CLVS1: variants seen among roughly 807,000 people sequenced by gnomAD.
The protein encoded by CLVS1 is clavesin 1.
CLVS1 carries 10 observed loss-of-function variants against 33.1 expected under a neutral mutation model. That is an observed-to-expected ratio of 0.30 (90% CI 0.19 to 0.51). CLVS1 has a LOEUF of 0.51. Ranked by LOEUF, CLVS1 falls within the 20% of genes least tolerant of loss-of-function variation. The probability of loss-of-function intolerance (pLI) is 0.97; values close to 1 mark genes in which losing one functional copy is unlikely to be tolerated. For missense variants in CLVS1, 343 were observed against 433.4 expected, an observed-to-expected ratio of 0.79 and a Z score of 1.85; for synonymous variants, 163 against 166.1, an observed-to-expected ratio of 0.98 and a Z score of 0.14.
chr8:60,984,756 G>A, the CLVS1 span, among the ~76,000 whole-genome samples: 11 of 152,154 alleles, frequency 7.2e-5, no homozygotes, highest in South Asian at 4.1e-4. Flanking sequence ...TTTTCCTAGG[G>A]ACTCTATGAG....
chr8:60,979,891 C>T, the CLVS1 span, among the ~76,000 whole-genome samples: 19 of 152,192 alleles, frequency 1.2e-4, no homozygotes, highest in Admixed American at 3.3e-4. Flanking sequence ...GTCCAGTGCA[C>T]TTTACTATAG....
intron 2 of CLVS1, among the ~76,000 whole-genome samples, chr8:61,372,410 A>G (rs1008099626): frequency 6.6e-6 from 1 of 152,154 alleles, no homozygotes; most frequent in Non-Finnish European, 1.5e-5. Context: ...TTTTAAAAAT[A>G]AACTTTTTAT....
chr8:61,186,027 C>CTGT (rs1807338108), intron 2 of CLVS1, among the ~76,000 whole-genome samples: 1 of 152,154 alleles, frequency 6.6e-6, no homozygotes, highest in Non-Finnish European at 1.5e-5. Context: ...GTAAGCAAGG[C>CTGT]TGTTCTTCAG....
intron 5 of CLVS1, among the ~76,000 whole-genome samples, chr8:61,495,643 G>T (rs1304126554): frequency 1.3e-5 from 2 of 152,148 alleles, no homozygotes; most frequent in African/African-American, 4.8e-5. Flanking sequence ...CTTTGAGATG[G>T]GAGAGAAATT....
chr8:61,457,098 C>T (rs1203935583), intron 4 of CLVS1, among the ~76,000 whole-genome samples: 2 of 151,650 alleles, frequency 1.3e-5, no homozygotes, highest in African/African-American at 4.8e-5. Context: ...CCACCATGCC[C>T]AGCTAATTTT....
chr8:61,268,050 T>C (rs1809349071), intron 2 of CLVS1, among the ~76,000 whole-genome samples: 1 of 151,970 alleles, frequency 6.6e-6, no homozygotes, highest in Admixed American at 6.5e-5. Flanking sequence ...AATTTTAGGG[T>C]ACATGTGCAC....
chr8:61,359,107 G>T (rs1187182592), intron 2 of CLVS1, among the ~76,000 whole-genome samples: 4 of 152,104 alleles, frequency 2.6e-5, no homozygotes, highest in African/African-American at 9.7e-5. Context: ...AAATGTTTTT[G>T]TTTGCTGATT....
At chr8:61,364,489 T>C (rs1424485492) in intron 2 of CLVS1, among the ~76,000 whole-genome samples, 4 of 152,254 alleles carry the variant, frequency 2.6e-5, no homozygotes, top group Non-Finnish European at 4.4e-5. Context: ...GATAAGACTT[T>C]TCTTTCAGTT....
chr8:61,150,916 C>T (rs1806519898), intron 2 of CLVS1, among the ~76,000 whole-genome samples: 1 of 152,190 alleles, frequency 6.6e-6, no homozygotes, highest in African/African-American at 2.4e-5. Context: ...AAGCTACCTG[C>T]AGCAGGTGAG....
At chr8:61,296,521 T>G (rs1810217488) in intron 1 of CLVS1, among the ~76,000 whole-genome samples, 1 of 152,206 alleles carries the variant, frequency 6.6e-6, no homozygotes, top group East Asian at 1.9e-4. Context: ...CTCCATGGCT[T>G]GGAACTGTGA....
chr8:61,124,819 C>T (rs539990614), intron 1 of CLVS1, among the ~76,000 whole-genome samples: 21 of 152,234 alleles, frequency 1.4e-4, no homozygotes, highest in African/African-American at 5.1e-4. Flanking sequence ...TGGAGAGACA[C>T]CCACGTAAAT....
At chr8:61,130,528 A>C (rs536460829) in intron 1 of CLVS1, among the ~76,000 whole-genome samples, 11 of 152,218 alleles carry the variant, frequency 7.2e-5, no homozygotes, top group Admixed American at 2.0e-4. Context: ...AGAAGCCAAC[A>C]GAATGAATTA....
rs1392553282 is a variant in CLVS1 at position 61,268,054 on chromosome 8, T to C, written c.-151-31623T>C. 2.6e-5 allele frequency among the ~76,000 whole-genome samples: 4 copies of C among 152,160 alleles called. No homozygotes were observed. The East Asian group carries it at 7.7e-4, about 29-fold the overall frequency. ...ATTATACTTTAAATTTTAGGGTACA[T>C]GTGCACATTGTGCAGGTTAGTTACA... On this transcript the variant is annotated intron_variant, in intron 2 of 2. Transcript: ENST00000522621.
intron 1 of CLVS1, among the ~76,000 whole-genome samples, chr8:61,061,180 G>A (rs1372832071): frequency 6.6e-6 from 1 of 152,078 alleles, no homozygotes; most frequent in Non-Finnish European, 1.5e-5. Context: ...GCTGATCACT[G>A]GCAAACAATT....
intron 2 of CLVS1, among the ~76,000 whole-genome samples, chr8:61,328,606 C>G (rs529245613): frequency 6.6e-6 from 1 of 151,952 alleles, no homozygotes; most frequent in African/African-American, 2.4e-5. Context: ...TCATACAAAT[C>G]GATTACTTCC....
intron 2 of CLVS1, among the ~76,000 whole-genome samples, chr8:61,361,281 A>G (rs1812968671): frequency 6.6e-6 from 1 of 152,230 alleles, no homozygotes; most frequent in Admixed American, 6.5e-5. Context: ...AGATGTCTTC[A>G]AGCTTTCAAT....
chr8:61,112,053 TTAAC>T (rs1805636997), intron 1 of CLVS1, among the ~76,000 whole-genome samples: 1 of 152,202 alleles, frequency 6.6e-6, no homozygotes, highest in African/African-American at 2.4e-5. Flanking sequence ...ATATGAATAG[TTAAC>T]TAAAGTTGTG....
chr8:61,130,240 A>AAAATAAATAAATAAAT (rs78418007), intron 1 of CLVS1, among the ~76,000 whole-genome samples: 226 of 140,086 alleles, frequency 1.6e-3, no homozygotes, highest in African/African-American at 1.8e-3. Context: ...TCTGTCTCAA[A>AAAATAAATAAATAAAT]AAATAAATAA....
chr8:61,370,877 AT>A, intron 2 of CLVS1, among the ~76,000 whole-genome samples: 2 of 152,068 alleles, frequency 1.3e-5, no homozygotes, highest in South Asian at 4.2e-4. Context: ...GGCATACTAC[AT>A]TTTCTTTATT....
Sources: gnomAD v4.1 joint callset for allele counts (sites outside exome capture counted in the v4.1 genomes callset) on GRCh38, gnomAD v4.1.1 for gene constraint, MANE v1.5 for transcripts, NCBI Gene and HGNC (gene_info 2026-07-23, HGNC 2026-07-21) for gene names.